The following MMD2 variants were observed in gnomAD, a reference collection of about 807,000 sequenced individuals.
MMD2 encodes the protein monocyte to macrophage differentiation associated 2.
A neutral mutation model predicts 33.5 loss-of-function variants in MMD2; 30 were observed. The ratio of observed to expected loss-of-function variants is 0.90; its 90% CI spans 0.67 to 1.22. The LOEUF is 1.22. Among genes scored for constraint, MMD2 ranks in the 50% most tolerant of loss-of-function variants. The pLI is 0.00. For missense variants in MMD2, 364 were observed against 325.4 expected, an observed-to-expected ratio of 1.12 and a Z score of -0.91; for synonymous variants, 129 against 123.0, an observed-to-expected ratio of 1.05 and a Z score of -0.32.
intron 6 of MMD2, among the ~76,000 whole-genome samples, chr7:4,907,992 A>G (rs1378503822): frequency 6.6e-6 from 1 of 151,318 alleles, no homozygotes; most frequent in African/African-American, 2.4e-5. Context: ...TTATTTTTGG[A>G]GATGGGGGCA....
At chr7:4,918,326 T>C (rs1583365044) in intron 3 of MMD2, among the ~76,000 whole-genome samples, 1 of 152,154 alleles carries the variant, frequency 6.6e-6, no homozygotes, top group Non-Finnish European at 1.5e-5. Flanking sequence ...TGACTAATGA[T>C]TGTATGCACG....
intron 1 of MMD2, among the ~76,000 whole-genome samples, chr7:4,944,676 T>C (rs1179957864): frequency 6.6e-6 from 1 of 152,018 alleles, no homozygotes; most frequent in African/African-American, 2.4e-5. Context: ...TGGGTCCTGC[T>C]GAACCCCGCT....
At chr7:4,923,729 T>C (rs567252141) in intron 2 of MMD2, among the ~76,000 whole-genome samples, 2 of 152,278 alleles carry the variant, frequency 1.3e-5, no homozygotes, top group Non-Finnish European at 1.5e-5. Flanking sequence ...CATGTGTTCA[T>C]TCTCAAATAT....
Position 4,907,946 on chromosome 7 carries a change from T to C in MMD2, c.538-347A>G, listed in dbSNP as rs553116941. ...CCTCCCCAGTAGCTGGGACTACAGA[T>C]ATCCCATGGCACAACCATGCCTGGC... On this transcript the variant is annotated intron_variant, in intron 6 of 6. Transcript: ENST00000401401. Among the ~76,000 whole-genome samples, 4 of 151,274 alleles carry C rather than the reference T, an allele frequency of 2.6e-5. No individual in the cohort carries two copies. In the South Asian group the frequency reaches 8.4e-4, roughly 32 times the overall value.
chr7:4,894,171 C>T, the MMD2 span, among the ~76,000 whole-genome samples: 2,580 of 152,204 alleles, frequency 0.017, 82 homozygotes, highest in African/African-American at 0.059. The surrounding 1 kb of genome is among the most constrained non-coding windows in gnomAD (Gnocchi z 4.3). Flanking sequence ...GCACGACCTC[C>T]AAGGCCAGAT....
rs957034927 is a variant in MMD2 at position 4,930,068 on chromosome 7, G to C, written c.48-4536C>G. On this transcript the variant is annotated intron_variant, in intron 1 of 6. Transcript: ENST00000401401. ...GCATATTACAAGGTCAGGAGATCTA[G>C]ACCATCCTGGCTAACACAGTGAAAC... 8.8e-5 allele frequency among the ~76,000 whole-genome samples: 13 copies of C among 147,134 alleles called. No homozygotes were observed. In the Admixed American group the frequency reaches 8.9e-4, roughly 10 times the overall value.
chr7:4,935,426 G>C (rs1462744201), intron 1 of MMD2, among the ~76,000 whole-genome samples: 1 of 151,954 alleles, frequency 6.6e-6, no homozygotes, highest in Non-Finnish European at 1.5e-5. Flanking sequence ...GTAAAGCCTG[G>C]ATATTGGCAT....
chr7:4,958,547 C>T (rs1169028191), intron 1 of MMD2, among the ~76,000 whole-genome samples: 1 of 152,148 alleles, frequency 6.6e-6, no homozygotes, highest in Non-Finnish European at 1.5e-5. Context: ...GAGGTGGTAC[C>T]AACGCCTTTT....
At chr7:4,945,185 T>TTTCTTCTTCTTCTTCTTCTTC (rs778065489) in intron 1 of MMD2, among the ~76,000 whole-genome samples, 8,065 of 93,386 alleles carry the variant, frequency 0.086, 934 homozygotes, top group South Asian at 0.1. Context: ...CCTCTTCCTC[T>TTTCTTCTTCTTCTTCTTCTTC]TTCTTCTTCT....
At chr7:4,927,528 G>A (rs1291347895) in intron 1 of MMD2, among the ~76,000 whole-genome samples, 1 of 151,978 alleles carries the variant, frequency 6.6e-6, no homozygotes, top group Non-Finnish European at 1.5e-5. Flanking sequence ...GCGACAGAGT[G>A]AGACTCCATT....
chr7:4,926,332 G>T (rs529425924), intron 1 of MMD2, among the ~76,000 whole-genome samples: 1 of 152,070 alleles, frequency 6.6e-6, no homozygotes, highest in East Asian at 1.9e-4. Context: ...AACTCCAAGC[G>T]ATCCTCCCAC....
chr7:4,923,975 G>A (rs1403874596), intron 2 of MMD2, among the ~76,000 whole-genome samples: 3 of 152,026 alleles, frequency 2.0e-5, no homozygotes, highest in African/African-American at 7.2e-5. Flanking sequence ...GGTGGATCAC[G>A]AGGTCAGGAG....
intron 4 of MMD2, among the ~76,000 whole-genome samples, chr7:4,912,773 T>C (rs1056502307): frequency 3.3e-5 from 5 of 152,032 alleles, no homozygotes; most frequent in African/African-American, 1.2e-4. Flanking sequence ...TGAGGCAATC[T>C]CAGCTCACTG....
At position 4,907,257 on chromosome 7, in the gene MMD2, T is replaced by A; in HGVS notation, c.*139A>T. ...GGGGACTCGAGGGATGATCTGGCTG[T>A]CACCAGAAGTCACCTTGGAGCCATC... On this transcript the variant is annotated 3_prime_UTR_variant, in exon 7 of 7. Coordinates refer to ENST00000401401, the MANE Select transcript of MMD2 (RefSeq NM_198403.4). 1 of 755,300 alleles carries A rather than the reference T, an allele frequency of 1.3e-6. No individual in the cohort carries two copies. Among genetic ancestry groups the A allele is most frequent in the South Asian group, 1.8e-5 (1 of 56,944 alleles). 46.8% of individuals were successfully genotyped at this position (755,300 alleles called of 1,614,324 possible). A position where few individuals can be genotyped will look rare whatever the true frequency, so the allele number is the denominator to read the frequency against.
intron 1 of MMD2, among the ~76,000 whole-genome samples, chr7:4,941,869 A>C (rs1305695133): frequency 6.6e-6 from 1 of 150,454 alleles, no homozygotes; most frequent in Non-Finnish European, 1.5e-5. Flanking sequence ...AGAGTCCTTG[A>C]GGTGACAAAA....
chr7:4,948,527 GA>G (rs767961259), intron 1 of MMD2, among the ~76,000 whole-genome samples: 2,791 of 138,700 alleles, frequency 0.02, 64 homozygotes, highest in African/African-American at 0.054. Flanking sequence ...CCGTCTCACC[GA>G]AAAAAAAAAA....
chr7:4,899,180 T>G, the MMD2 span, among the ~76,000 whole-genome samples: 1 of 152,102 alleles, frequency 6.6e-6, no homozygotes, highest in African/African-American at 2.4e-5. Flanking sequence ...GACACTGAAC[T>G]TGCCAGTTCC....
At chr7:4,928,078 G>T (rs1191184775) in intron 1 of MMD2, among the ~76,000 whole-genome samples, 1 of 152,228 alleles carries the variant, frequency 6.6e-6, no homozygotes, top group Non-Finnish European at 1.5e-5. Flanking sequence ...GACCACAGCA[G>T]CGTGCATGTC....
At chr7:4,957,785 C>A (rs966821671) in intron 1 of MMD2, among the ~76,000 whole-genome samples, 2 of 152,208 alleles carry the variant, frequency 1.3e-5, no homozygotes, top group Non-Finnish European at 2.9e-5. Context: ...GAGATAGACT[C>A]ATCATGTCCC....
Sources: gnomAD v4.1 joint callset for allele counts (sites outside exome capture counted in the v4.1 genomes callset) on GRCh38, gnomAD v4.1.1 for gene constraint, Gnocchi (gnomAD v3.1) non-coding constraint, MANE v1.5 for transcripts, NCBI Gene and HGNC (gene_info 2026-07-23, HGNC 2026-07-21) for gene names.